The following TOP2A variants were observed in gnomAD, a reference collection of about 807,000 sequenced individuals.
The protein encoded by TOP2A is DNA topoisomerase 2-alpha.
A neutral mutation model predicts 187.2 loss-of-function variants in TOP2A; 68 were observed. The ratio of observed to expected loss-of-function variants is 0.36; its 90% CI spans 0.30 to 0.44. The LOEUF (loss-of-function observed/expected upper bound fraction) is 0.44. Among genes scored for constraint, TOP2A ranks in the 20% least tolerant of loss-of-function variants. TOP2A has a pLI of 1.00. For missense variants in TOP2A, 1,196 were observed against 1,808.7 expected (o/e 0.66, Z 6.14); for synonymous variants, 542 against 593.2 (o/e 0.91, Z 1.25).
At chr17:40,400,474 A>T in intron 22 of TOP2A, 55 bp downstream of exon 22, 1 of 1,601,664 alleles carries the variant, frequency 6.2e-7, no homozygotes, top group East Asian at 2.2e-5. Flanking sequence ...CAGCAATAGT[A>T]CAAAAGGTAT....
rs559250796 is a variant in TOP2A at position 40,400,861 on chromosome 17, G to T, written c.2653C>A (p.Pro885Thr). 2 of 1,613,860 alleles carry T rather than the reference G, an allele frequency of 1.2e-6. No individual in the cohort carries two copies. Among genetic ancestry groups the T allele is most frequent in the East Asian group, 2.2e-5 (1 of 44,886 alleles). Residue 885 changes from proline to threonine, a missense_variant, in exon 21 of 35, where the codon CCT becomes ACT. Coordinates refer to ENST00000423485, the MANE Select transcript of TOP2A (RefSeq NM_001067.4). ...NIRRLMDGEE[P>T]LPMLPSYKNF... is the part of the protein sequence containing the mutation. ...CACAGAATACTTACCATTGGCAAAGGTTCTTCTCCATCCATCAAACGCCTG... is the reference window on the plus strand; with the variant it reads ...CACAGAATACTTACCATTGGCAAAGTTTCTTCTCCATCCATCAAACGCCTG...
At chr17:40,403,156 G>T in intron 19 of TOP2A, 102 bp from the exon 20 acceptor site, 1 of 1,130,666 alleles carries the variant, frequency 8.8e-7, no homozygotes, top group Non-Finnish European at 1.2e-6. Context: ...AGGTCTAGTT[G>T]TTTAGTGACT....
rs772606431 is a variant in TOP2A, at chr17:40,399,938, C to G, written c.3130G>C (p.Glu1044Gln). 6.2e-7 allele frequency: 1 copy of G among 1,612,966 alleles called. No individual in the cohort carries two copies. The highest frequency in any genetic ancestry group is 8.5e-7 in the Non-Finnish European group (1 of 1,179,500). ...KEWLLGMLGAESAKLNNQARF... is the reference protein window; with the variant it reads ...KEWLLGMLGAQSAKLNNQARF... ...GCCTGATTATTCAGTTTAGCAGATT[C>G]AGCACCAAGCATTCCTAGGAGCCAT... Residue 1044 changes from glutamate to glutamine, a missense_variant, in exon 24 of 35, where the codon GAA becomes CAA. Physicochemically the swap from Glu to Gln is conservative, Grantham distance 29. This residue lies in a region of TOP2A where 232 missense variants were observed against 306.1 expected (regional missense o/e 0.76). Coordinates refer to ENST00000423485, the MANE Select transcript of TOP2A (RefSeq NM_001067.4).
In TOP2A at chr17:40,392,611, C is replaced by T. The variant is rs769893345; in HGVS notation, c.3938G>A (p.Arg1313Gln). ...SDESNFDVPPRETEPRRAATK... is the reference protein window; with the variant it reads ...SDESNFDVPPQETEPRRAATK... The stretch of plus-strand genomic sequence containing the variant: ...TGCTGCTCTCCGTGGCTCTGTTTCT[C>T]GTGGAGGGACATCAAAATTACTTTC... Residue 1313 changes from arginine (R) to glutamine (Q), a missense_variant, in exon 30 of 35, where the codon CGA (arginine) becomes CAA (glutamine). By Grantham distance (43) the Arg-to-Gln change is conservative (BLOSUM62 1). Coordinates refer to ENST00000423485, the MANE Select transcript of TOP2A (RefSeq NM_001067.4). 5 of 1,612,760 alleles carry T rather than the reference C, an allele frequency of 3.1e-6. No individual in the cohort carries two copies. Among genetic ancestry groups the T allele is most frequent in the African/African-American group, 2.7e-5 (2 of 74,850 alleles).
At chr17:40,404,076 A>G (rs1598614229) in intron 19 of TOP2A, 76 bp downstream of exon 19, 1 of 1,556,636 alleles carries the variant, frequency 6.4e-7, no homozygotes, top group East Asian at 2.2e-5. Context: ...TTATACTTTC[A>G]CCAAATCTGT....
rs763496803 is a variant in TOP2A at position 40,404,366 on chromosome 17, T to C, written c.2161+11A>G. 2.5e-5 allele frequency: 40 copies of C among 1,605,554 alleles called. No homozygotes were observed. Among genetic ancestry groups the C allele is most frequent in the Non-Finnish European group, 3.2e-5 (38 of 1,174,338 alleles). On this transcript the variant is annotated intron_variant, in intron 18 of 34. Coordinates refer to ENST00000423485, the MANE Select transcript of TOP2A (RefSeq NM_001067.4). ...CTTACAATGAAAACAGACTAACAAA[T>C]TGGAACTCACCATCCACCATAGAAG... is the stretch of plus-strand genomic sequence containing the variant.
rs766823808 is a variant in TOP2A at position 40,408,044 on chromosome 17, C to A, written c.1423G>T (p.Val475Leu). ...ACCCCATATTTGTCTCTCCCAACCA[C>A]ACCAAGGCCTGAAACAGCCAAAGTT... ...AKTLAVSGLG[V>L]VGRDKYGVFP... The change falls in exon 12 of 35, where the codon GTG becomes TTG. Residue 475 changes from valine to leucine, a missense_variant. Physicochemically the swap from Val to Leu is conservative, Grantham distance 32. Coordinates refer to ENST00000423485, the MANE Select transcript of TOP2A (RefSeq NM_001067.4). The A allele has an allele frequency of 6.8e-6, 11 of 1,613,754 alleles. No homozygotes were observed. The highest frequency in any genetic ancestry group is 8.5e-6 in the Non-Finnish European group (10 of 1,179,716).
chr17:40,408,348 T>C, intron 11 of TOP2A, 144 bp downstream of exon 11: 2 of 937,752 alleles, frequency 2.1e-6, no homozygotes, highest in Non-Finnish European at 3.1e-6. Flanking sequence ...TCTTCCATAA[T>C]AGGAAACGGG....
intron 7 of TOP2A, among the ~76,000 whole-genome samples, 161 bp downstream of exon 7, chr17:40,412,598 C>T (rs1023793540): frequency 2.0e-5 from 3 of 152,084 alleles, no homozygotes; most frequent in Non-Finnish European, 2.9e-5. Context: ...GAGCCGAGAT[C>T]GTGCCACTGC....
intron 10 of TOP2A, chr17:40,410,574 T>C (rs2035309213): frequency 2.2e-6 from 1 of 454,238 alleles, no homozygotes; most frequent in Non-Finnish European, 4.4e-6. Context: ...TAAGAACCTA[T>C]TGTAGTAAAC....
At chr17:40,407,853 A>T in intron 12 of TOP2A, 114 bp downstream of exon 12, 1 of 1,298,598 alleles carries the variant, frequency 7.7e-7, no homozygotes, top group Non-Finnish European at 1.1e-6. Flanking sequence ...TTCTCAAAAT[A>T]AGCACAAATT....
In TOP2A at chr17:40,411,059, T is replaced by C. The variant is rs1004127128; in HGVS notation, c.1203+50A>G. 1 of 1,515,852 alleles carries C rather than the reference T, an allele frequency of 6.6e-7. No homozygotes were observed. The highest frequency in any genetic ancestry group is 8.8e-7 in the Non-Finnish European group (1 of 1,130,638). 93.9% of individuals were successfully genotyped at this position (1,515,852 alleles called of 1,614,324 possible). ...GTTTCTGCAGAGCTAAGAAGTGCAA[T>C]GGAAAATAAAGTCAGGTGTTTCTAT... On this transcript the variant is annotated intron_variant, in intron 10 of 34. Coordinates refer to ENST00000423485, the MANE Select transcript of TOP2A (RefSeq NM_001067.4). The surrounding 1 kb of genome is among the most constrained non-coding windows in gnomAD (Gnocchi z 4.4).
chr17:40,403,202 A>C (rs2035202382), intron 19 of TOP2A, 148 bp from the exon 20 acceptor site: 1 of 764,480 alleles, frequency 1.3e-6, no homozygotes, highest in South Asian at 2.4e-5. Flanking sequence ...ATAGTACTTG[A>C]ACCTACAACT....
chr17:40,400,660 G>C lies in TOP2A; in HGVS notation c.2668C>G (p.Pro890Ala). Residue 890 changes from proline (P) to alanine (A), a missense_variant, in exon 22 of 35, where the codon CCA (proline) becomes GCA (alanine). Around this residue, in one of 10 missense-constraint regions of TOP2A, gnomAD observed 232 missense variants for 306.1 expected, o/e 0.76. Transcript: ENST00000423485. ...MDGEEPLPML[P>A]SYKNFKGTIE... is the part of the protein sequence containing the mutation. ...GTACCCTTGAAGTTCTTGTAACTTG[G>C]AAGCTAAATTGGCATTTAAAAAAAC... 6.3e-7 allele frequency: 1 copy of C among 1,590,030 alleles called. No homozygotes were observed. The highest frequency in any genetic ancestry group is 8.5e-7 in the Non-Finnish European group (1 of 1,171,176).
chr17:40,404,540 C>T (rs372772083), intron 17 of TOP2A, 49 bp from the exon 18 acceptor site: 62 of 1,109,316 alleles, frequency 5.6e-5, no homozygotes, highest in Non-Finnish European at 7.3e-5. Flanking sequence ...AAACAATGCT[C>T]AACACAAAAA....
At chr17:40,392,378 G>T in intron 30 of TOP2A, 37 bp from the exon 31 acceptor site, 1 of 1,560,658 alleles carries the variant, frequency 6.4e-7, no homozygotes, top group Non-Finnish European at 8.7e-7. Flanking sequence ...ATCAAAGAGG[G>T]TAGTAGGAGA....
At chr17:40,406,238 T>A (rs1009501653) in intron 16 of TOP2A, 146 bp downstream of exon 16, 7 of 624,796 alleles carry the variant, frequency 1.1e-5, no homozygotes, top group African/African-American at 1.8e-5. Flanking sequence ...ATTCCTTCTC[T>A]GGGATATGCT....
chr17:40,400,903 C>G lies in TOP2A; in HGVS notation c.2611G>C (p.Glu871Gln). ...AAACGCCTGATGTTATTTACAATTT[C>G]ACGCACATCAAAGTTGGGGATTTTG... ...SCKIPNFDVR[E>Q]IVNNIRRLMD... The change falls in exon 21 of 35, where the codon GAA (glutamate) becomes CAA (glutamine). Residue 871 changes from glutamate (E) to glutamine (Q), a missense_variant. Coordinates refer to ENST00000423485, the MANE Select transcript of TOP2A (RefSeq NM_001067.4). The G allele has an allele frequency of 6.2e-7, 1 of 1,613,970 alleles. No individual in the cohort carries two copies. The highest frequency in any genetic ancestry group is 8.5e-7 in the Non-Finnish European group (1 of 1,179,888).
At position 40,411,578 on chromosome 17, in the gene TOP2A, A is replaced by G; in HGVS notation, c.963+67T>C. On this transcript the variant is annotated intron_variant, in intron 8 of 34. Transcript: ENST00000423485. The surrounding 1 kb of genome is among the most constrained non-coding windows in gnomAD (Gnocchi z 4.4). ...CCCAATATTCAAGTCCACTTTATAT[A>G]TTAAAAACAATAAGAACACATATAT... is the stretch of plus-strand genomic sequence containing the variant. 1 of 1,563,978 alleles carries G rather than the reference A, an allele frequency of 6.4e-7. No individual in the cohort carries two copies. Among genetic ancestry groups the G allele is most frequent in the Admixed American group, 1.7e-5 (1 of 58,802 alleles).
Sources: allele counts gnomAD v4.1 joint callset (sites outside exome capture counted in the v4.1 genomes callset), GRCh38; gene constraint gnomAD v4.1.1; regional missense constraint gnomAD v4.1.1; non-coding constraint Gnocchi (gnomAD v3.1); transcripts MANE v1.5; gene names NCBI Gene and HGNC (gene_info 2026-07-23, HGNC 2026-07-21).